ADAM29: variants seen among roughly 807,000 people sequenced by gnomAD.
The protein encoded by ADAM29 is ADAM metallopeptidase domain 29.
For missense variants in ADAM29, 969 were observed against 1,001.8 expected, an observed-to-expected ratio of 0.97 and a Z score of 0.44; for synonymous variants, 367 against 342.3, an observed-to-expected ratio of 1.07 and a Z score of -0.80.
At chr4:174,973,426 G>A (rs190397119) in intron 4 of ADAM29, among the ~76,000 whole-genome samples, 32 of 152,260 alleles carry the variant, frequency 2.1e-4, no homozygotes, top group African/African-American at 7.7e-4. Flanking sequence ...CATTTTCCCA[G>A]GATGTGGTAG....
chr4:174,969,152 TTTTA>T (rs1031400667), intron 4 of ADAM29, among the ~76,000 whole-genome samples: 10 of 151,506 alleles, frequency 6.6e-5, no homozygotes, highest in African/African-American at 1.4e-4. Context: ...TTCATTTTTC[TTTTA>T]TTTATTTATT....
chr4:174,968,160 A>C (rs1234175355), intron 4 of ADAM29, among the ~76,000 whole-genome samples: 2 of 152,150 alleles, frequency 1.3e-5, no homozygotes, highest in Non-Finnish European at 2.9e-5. Context: ...AATTTTGTTT[A>C]GCTTTTTCTT....
chr4:174,959,285 T>C (rs1745676327), intron 4 of ADAM29, among the ~76,000 whole-genome samples: 1 of 151,908 alleles, frequency 6.6e-6, no homozygotes, highest in South Asian at 2.1e-4. Flanking sequence ...ATTAGAGATT[T>C]GATAATCTTC....
intron 3 of ADAM29, among the ~76,000 whole-genome samples, chr4:174,934,527 A>G (rs1744093534): frequency 6.6e-6 from 1 of 152,136 alleles, no homozygotes; most frequent in Admixed American, 6.6e-5. Flanking sequence ...TGCAATCATA[A>G]TCTTAACTGA....
At chr4:174,929,634 A>C (rs1743731865) in intron 2 of ADAM29, among the ~76,000 whole-genome samples, 2 of 147,266 alleles carry the variant, frequency 1.4e-5, no homozygotes, top group Non-Finnish European at 3.1e-5. Flanking sequence ...CCCAGTGCCC[A>C]AGGCCAGCTG....
At chr4:174,969,008 A>AAAAAG (rs1553978789) in intron 4 of ADAM29, among the ~76,000 whole-genome samples, 5 of 151,592 alleles carry the variant, frequency 3.3e-5, no homozygotes, top group East Asian at 3.9e-4. Flanking sequence ...TCTAGAAAAA[A>AAAAAG]AAAGAAAGAT....
At chr4:174,960,162 C>T (rs897800385) in intron 4 of ADAM29, among the ~76,000 whole-genome samples, 11 of 151,846 alleles carry the variant, frequency 7.2e-5, no homozygotes, top group Non-Finnish European at 1.6e-4. Flanking sequence ...TCTTTCTATC[C>T]TTGATATTGA....
intron 2 of ADAM29, among the ~76,000 whole-genome samples, chr4:174,922,745 TGTTA>T (rs1441760800): frequency 5.3e-5 from 8 of 152,034 alleles, no homozygotes; most frequent in African/African-American, 1.9e-4. Flanking sequence ...ATATTTATTC[TGTTA>T]GTTATTTTAT....
intron 4 of ADAM29, among the ~76,000 whole-genome samples, chr4:174,965,484 CATCTATCT>C (rs60063978): frequency 0.016 from 2,356 of 147,194 alleles, 33 homozygotes; most frequent in Non-Finnish European, 0.021. Flanking sequence ...CTCTATCTAT[CATCTATCT>C]ATCTATCTAT....
Position 174,976,080 on chromosome 4 carries a change from G to A in ADAM29, c.555G>A (p.Gln185=). 6.2e-7 allele frequency: 1 copy of A among 1,610,828 alleles called. No individual in the cohort carries two copies. Among genetic ancestry groups the A allele is most frequent in the Admixed American group, 1.7e-5 (1 of 59,504 alleles). The change falls in exon 5 of 5, where the codon CAG becomes CAA. Residue 185 remains glutamine, a synonymous_variant. Transcript: ENST00000359240. ...MEFEEIDNST[Q]KQSSYVGWWI... ...TTGAAGAAATTGATAATTCCACTCA[G>A]AAGCAAAGTTCTTATGTGGGCTGGT...
rs546078811 is a variant in ADAM29, at chr4:174,959,666, A to G, written c.-180-15680A>G. The stretch of plus-strand genomic sequence containing the variant: ...TAATATTTCTCCACAGTTCCTGAAT[A>G]TTTTGTTTTTAAAATCTTTTTTCTT... On this transcript the variant is annotated intron_variant, in intron 4 of 4. Transcript: ENST00000359240. 2.6e-5 allele frequency among the ~76,000 whole-genome samples: 4 copies of G among 151,768 alleles called. No individual in the cohort carries two copies. The South Asian group carries it at 6.2e-4, about 24-fold the overall frequency.
intron 2 of ADAM29, among the ~76,000 whole-genome samples, chr4:174,930,420 C>T (rs1046956492): frequency 6.6e-6 from 1 of 152,126 alleles, no homozygotes; most frequent in East Asian, 1.9e-4. Context: ...GAAAAAGGCC[C>T]TAGCACCTTG....
chr4:174,938,807 G>A (rs1028335982), intron 4 of ADAM29, among the ~76,000 whole-genome samples: 1 of 152,094 alleles, frequency 6.6e-6, no homozygotes, highest in Non-Finnish European at 1.5e-5. Context: ...CCAAAATGTT[G>A]GAGTTGAAGA....
intron 4 of ADAM29, among the ~76,000 whole-genome samples, chr4:174,966,691 C>T (rs1009124153): frequency 2.6e-5 from 4 of 152,114 alleles, no homozygotes; most frequent in Admixed American, 6.5e-5. Flanking sequence ...GGTCATGGGC[C>T]GTACCCCCAA....
intron 4 of ADAM29, among the ~76,000 whole-genome samples, chr4:174,940,109 G>T (rs1011678476): frequency 6.6e-6 from 1 of 151,972 alleles, no homozygotes; most frequent in Non-Finnish European, 1.5e-5. Context: ...CACTGTTTTT[G>T]CTATTGTTTT....
At chr4:174,929,919 G>A (rs949181384) in intron 2 of ADAM29, among the ~76,000 whole-genome samples, 1 of 151,036 alleles carries the variant, frequency 6.6e-6, no homozygotes, top group African/African-American at 2.4e-5. Flanking sequence ...ACGACACCTG[G>A]CTAATTTTTG....
chr4:174,962,114 A>G (rs1745855440), intron 4 of ADAM29, among the ~76,000 whole-genome samples: 1 of 152,204 alleles, frequency 6.6e-6, no homozygotes, highest in Non-Finnish European at 1.5e-5. Flanking sequence ...CATATGTAAA[A>G]TTTGCATAAA....
intron 4 of ADAM29, among the ~76,000 whole-genome samples, chr4:174,949,794 G>C (rs541046858): frequency 6.6e-6 from 1 of 151,760 alleles, no homozygotes; most frequent in Non-Finnish European, 1.5e-5. Context: ...GCATCCATCC[G>C]CATTTAAAAT....
intron 4 of ADAM29, among the ~76,000 whole-genome samples, chr4:174,960,192 T>G (rs1049201635): frequency 1.3e-5 from 2 of 152,076 alleles, no homozygotes; most frequent in Non-Finnish European, 1.5e-5. Context: ...GCTCACTTAG[T>G]GTTTTCTCGA....
Sources: allele counts gnomAD v4.1 joint callset (sites outside exome capture counted in the v4.1 genomes callset), GRCh38; gene constraint gnomAD v4.1.1; transcripts MANE v1.5; gene names NCBI Gene and HGNC (gene_info 2026-07-23, HGNC 2026-07-21).